Variants in SCO1 observed in about 807,000 individuals in gnomAD.
The protein encoded by SCO1 is synthesis of cytochrome C oxidase 1.
A neutral mutation model predicts 34.0 loss-of-function variants in SCO1; 23 were observed. The ratio of observed to expected loss-of-function variants is 0.68; its 90% CI spans 0.49 to 0.96. SCO1 has a LOEUF of 0.96. SCO1 is among the 40% of genes least tolerant of loss of function. SCO1 has a pLI of 0.00. For synonymous variants in SCO1, 161 were observed against 145.5 expected (o/e 1.11, Z -0.77); for missense variants, 404 against 381.6 (o/e 1.06, Z -0.49).
chr17:10,686,107 G>A (rs1329301835), intron 5 of SCO1, among the ~76,000 whole-genome samples: 2 of 152,110 alleles, frequency 1.3e-5, no homozygotes, highest in Non-Finnish European at 1.5e-5. Flanking sequence ...CCAGGCGTGG[G>A]AGCACATGCC....
At position 10,677,643 on chromosome 17, in the gene SCO1, A is replaced by T. The variant is rs1002701315; in HGVS notation, c.*3476T>A. ...GTAAATCTCACCTCTTACACTTAAGATATCAGCTGCTTCATGAACAGCCAG... is the reference window on the plus strand; with the variant it reads ...GTAAATCTCACCTCTTACACTTAAGTTATCAGCTGCTTCATGAACAGCCAG... On this transcript the variant is annotated 3_prime_UTR_variant, in exon 6 of 6. Transcript: ENST00000255390. 1.3e-5 allele frequency: 2 copies of T among 152,232 alleles called. No individual in the cohort carries two copies. Among genetic ancestry groups the T allele is most frequent in the African/African-American group, 4.8e-5 (2 of 41,452 alleles). 9.4% of individuals were successfully genotyped at this position (152,232 alleles called of 1,614,324 possible). A position where few individuals can be genotyped will look rare whatever the true frequency, so the allele number is the denominator to read the frequency against.
In SCO1 at chr17:10,674,594, C is replaced by T. The variant is rs1339433308; in HGVS notation, c.*6525G>A. 1 of 158,008 alleles carries T rather than the reference C, an allele frequency of 6.3e-6. No homozygotes were observed. Among genetic ancestry groups the T allele is most frequent in the African/African-American group, 2.4e-5 (1 of 41,498 alleles). 9.8% of individuals were successfully genotyped at this position (158,008 alleles called of 1,614,324 possible). A position where few individuals can be genotyped will look rare whatever the true frequency, so the allele number is the denominator to read the frequency against. ...GGGAGTCTGAGTATTAGCTTTGCTA[C>T]AAACTTGTAGATAATTCACCACTTG... On this transcript the variant is annotated 3_prime_UTR_variant, in exon 6 of 6. Coordinates refer to ENST00000255390, the MANE Select transcript of SCO1 (RefSeq NM_004589.4).
At position 10,688,328 on chromosome 17, in the gene SCO1, G is replaced by A. The variant is rs116335926; in HGVS notation, c.656-1486C>T. On this transcript the variant is annotated intron_variant, in intron 4 of 5. Coordinates refer to ENST00000255390, the MANE Select transcript of SCO1 (RefSeq NM_004589.4). ...GAAAACAAAGAACTCCATAAAAAGC[G>A]GTCAAAAGATATGAACAGACACTTC... Among the ~76,000 whole-genome samples, 502 of 152,134 alleles carry A rather than the reference G, an allele frequency of 3.3e-3. 1 individual carries two copies. Among genetic ancestry groups the A allele is most frequent in the African/African-American group, 3.9e-3 (163 of 41,516 alleles).
intron 3 of SCO1, among the ~76,000 whole-genome samples, chr17:10,692,240 TC>T (rs1388291138): frequency 1.3e-5 from 2 of 152,182 alleles, no homozygotes; most frequent in Admixed American, 6.6e-5. Flanking sequence ...TAAATGTTCT[TC>T]CCCTGGATAA....
rs369666812 is a variant in SCO1 at position 10,688,244 on chromosome 17, T to C, written c.656-1402A>G. On this transcript the variant is annotated intron_variant, in intron 4 of 5. Coordinates refer to ENST00000255390, the MANE Select transcript of SCO1 (RefSeq NM_004589.4). ...CGAGCCACAGACTGGCAGAAAATAT[T>C]TGCAAATCACACACCTAACTTGTAT... Among the ~76,000 whole-genome samples the C allele has an allele frequency of 7.9e-5, 12 of 152,296 alleles. No homozygotes were observed. The South Asian group carries it at 2.3e-3, about 29-fold the overall frequency.
chr17:10,683,746 A>G (rs1219022499), intron 5 of SCO1, among the ~76,000 whole-genome samples: 2 of 150,350 alleles, frequency 1.3e-5, no homozygotes, highest in Admixed American at 6.6e-5. Flanking sequence ...TTATATATAT[A>G]TAATACAATA....
rs188371386 is a variant in SCO1 at position 10,696,633 on chromosome 17, T to C, written c.273+602A>G. Among the ~76,000 whole-genome samples the C allele has an allele frequency of 2.4e-3, 364 of 152,240 alleles. 2 individuals are homozygous for C. The highest frequency in any genetic ancestry group is 8.4e-3 in the African/African-American group (349 of 41,510). On this transcript the variant is annotated intron_variant, in intron 1 of 5. Transcript: ENST00000255390. ...GCAAATTACACCCATTATTTCTTTG[T>C]ACCCTTATTCAACTCCCCAAATGAA... is the stretch of plus-strand genomic sequence containing the variant.
At chr17:10,695,317 T>G (rs1509112) in intron 2 of SCO1, among the ~76,000 whole-genome samples, 76,780 of 151,966 alleles carry the variant, frequency 0.51, 20,164 homozygotes, top group African/African-American at 0.65. Context: ...CTGTTTCCCT[T>G]CCGTGTGCAC....
chr17:10,682,859 C>T (rs977436565), intron 5 of SCO1, among the ~76,000 whole-genome samples: 1 of 152,202 alleles, frequency 6.6e-6, no homozygotes, highest in Non-Finnish European at 1.5e-5. Flanking sequence ...AATGATATCA[C>T]AGGCTGGAGA....
rs2074570991 is a variant in SCO1, at chr17:10,674,973, C to T, written c.*6146G>A. On this transcript the variant is annotated 3_prime_UTR_variant, in exon 6 of 6. Coordinates refer to ENST00000255390, the MANE Select transcript of SCO1 (RefSeq NM_004589.4). ...CTGACAACGACCAGCTGCTGCTCAC[C>T]ACAGCAGCCAACAAGGAATGTGCCC... 6.6e-6 allele frequency: 1 copy of T among 152,314 alleles called. No homozygotes were observed. The highest frequency in any genetic ancestry group is 2.1e-4 in the South Asian group (1 of 4,838). 9.4% of individuals were successfully genotyped at this position (152,314 alleles called of 1,614,324 possible).
rs115436828 is a variant in SCO1 at position 10,694,168 on chromosome 17, C to T, written c.365-1207G>A. ...ATATTCCTGCCAAAGGTACACAACC[C>T]GAATGACCTGAATGAGGAAACATCA... On this transcript the variant is annotated intron_variant, in intron 2 of 5. Transcript: ENST00000255390. 3.3e-3 allele frequency among the ~76,000 whole-genome samples: 502 copies of T among 152,274 alleles called. 4 individuals carry two copies. The highest frequency in any genetic ancestry group is 0.012 in the African/African-American group (480 of 41,560).
chr17:10,682,888 G>C (rs2074631435), intron 5 of SCO1, among the ~76,000 whole-genome samples: 1 of 152,142 alleles, frequency 6.6e-6, no homozygotes, highest in African/African-American at 2.4e-5. Flanking sequence ...TATATAATTG[G>C]TAAGTGCCAG....
intron 4 of SCO1, among the ~76,000 whole-genome samples, chr17:10,687,261 G>C (rs541768278): frequency 6.6e-6 from 1 of 152,256 alleles, no homozygotes; most frequent in East Asian, 1.9e-4. Flanking sequence ...CAAAATACCT[G>C]TGTCTTATTT....
In SCO1 at chr17:10,686,770, ACTCTGTATG is replaced by A; in HGVS notation, c.719_727del (p.Ala240_Arg242del). ...GTCCTTGGGGCCAGGGCTGTAATAC[ACTCTGTATG>A]CTCTGGCCACTTGATCGACCTCTTC... On this transcript the variant is annotated inframe_deletion, in exon 5 of 6. Coordinates refer to ENST00000255390, the MANE Select transcript of SCO1 (RefSeq NM_004589.4). 1 of 1,613,674 alleles carries A rather than the reference ACTCTGTATG, an allele frequency of 6.2e-7. No homozygotes were observed. Among genetic ancestry groups the A allele is most frequent in the Non-Finnish European group, 8.5e-7 (1 of 1,179,772 alleles).
chr17:10,681,045 T>A lies in SCO1; in HGVS notation c.*74A>T, dbSNP rs1382788355. On this transcript the variant is annotated 3_prime_UTR_variant, in exon 6 of 6. Transcript: ENST00000255390. ...AGAGTGCACGTATATATGTTTATATTTATATAGGCTCCTATGCGAGACAGT... is the reference window on the plus strand; with the variant it reads ...AGAGTGCACGTATATATGTTTATATATATATAGGCTCCTATGCGAGACAGT... 5.9e-6 allele frequency: 9 copies of A among 1,533,642 alleles called. No individual in the cohort carries two copies. The highest frequency in any genetic ancestry group is 1.4e-5 in the African/African-American group (1 of 73,328).
chr17:10,682,500 T>C (rs1052611204), intron 5 of SCO1, among the ~76,000 whole-genome samples: 2 of 152,332 alleles, frequency 1.3e-5, no homozygotes, highest in Non-Finnish European at 2.9e-5. Context: ...AGCCTTACTC[T>C]GTAGCTTACA....
rs755009864 is a variant in SCO1 at position 10,681,094 on chromosome 17, A to T, written c.*25T>A. Reference sequence around the variant, plus strand: ...GTTTCCTTCCTCTTAGCAAGAGAATACTGCATCCAGCAACACTGCTTTGGC... The same window carrying T: ...GTTTCCTTCCTCTTAGCAAGAGAATTCTGCATCCAGCAACACTGCTTTGGC... On this transcript the variant is annotated 3_prime_UTR_variant, in exon 6 of 6. Coordinates refer to ENST00000255390, the MANE Select transcript of SCO1 (RefSeq NM_004589.4). 2 of 1,613,936 alleles carry T rather than the reference A, an allele frequency of 1.2e-6. No homozygotes were observed. The highest frequency in any genetic ancestry group is 2.7e-5 in the African/African-American group (2 of 74,936).
At chr17:10,695,681 G>A in intron 2 of SCO1, 60 bp downstream of exon 2, 1 of 1,220,670 alleles carries the variant, frequency 8.2e-7, no homozygotes, top group East Asian at 2.3e-5. Context: ...AACAAAAAAG[G>A]TGCTAGTCCA....
intron 2 of SCO1, among the ~76,000 whole-genome samples, chr17:10,693,929 A>G (rs2151457565): frequency 6.6e-6 from 1 of 152,360 alleles, no homozygotes; most frequent in East Asian, 1.9e-4. Flanking sequence ...TAAATAAATG[A>G]ATACATTGAT....
Sources: allele counts gnomAD v4.1 joint callset (sites outside exome capture counted in the v4.1 genomes callset), GRCh38; gene constraint gnomAD v4.1.1; transcripts MANE v1.5; gene names NCBI Gene and HGNC (gene_info 2026-07-23, HGNC 2026-07-21).